TRANK1: variants seen among roughly 807,000 people sequenced by gnomAD.
The protein encoded by TRANK1 is TPR and ankyrin repeat-containing protein 1.
Under a neutral mutation model 266.0 loss-of-function variants are expected in TRANK1, and 198 were observed. The ratio of observed to expected loss-of-function variants is 0.74; its 90% CI spans 0.66 to 0.84. The LOEUF (loss-of-function observed/expected upper bound fraction) is 0.84, where lower values mean the gene tolerates loss of function less well. Among genes scored for constraint, TRANK1 ranks in the 40% least tolerant of loss-of-function variants. The probability of loss-of-function intolerance (pLI) is 0.00; values close to 1 mark genes in which losing one functional copy is unlikely to be tolerated. For synonymous variants in TRANK1, 1,396 were observed against 1,384.1 expected (o/e 1.01, Z -0.19); for missense variants, 3,326 against 3,634.6 (o/e 0.92, Z 2.18).
chr3:36,857,153 T>C lies in TRANK1; in HGVS notation c.2569A>G (p.Lys857Glu), dbSNP rs1360880407. Residue 857 changes from lysine to glutamate, a missense_variant, in exon 13 of 24, where the codon AAG becomes GAG. Transcript: ENST00000645898. This position sits in a 1 kb window ranked among gnomAD's most constrained non-coding sequence, Gnocchi z 4.3. The stretch of plus-strand genomic sequence containing the variant: ...TGCTGAATGGCAAGGATGATTTTCT[T>C]CTTGATGACCTTGGTCATTACCTTA... ...SSKVMTKVIK[K>E]KIILAIQQLG... The C allele has an allele frequency of 6.2e-7, 1 of 1,613,870 alleles. No individual in the cohort carries two copies. Among genetic ancestry groups the C allele is most frequent in the African/African-American group, 1.3e-5 (1 of 74,928 alleles).
At chr3:36,844,538 T>C (rs985190909) in intron 17 of TRANK1, among the ~76,000 whole-genome samples, 1 of 152,098 alleles carries the variant, frequency 6.6e-6, no homozygotes, top group African/African-American at 2.4e-5. Flanking sequence ...TATGATCTCT[T>C]ATAGTGGATG....
intron 18 of TRANK1, among the ~76,000 whole-genome samples, 175 bp from the exon 19 acceptor site, chr3:36,838,891 T>C (rs1375244217): frequency 6.6e-6 from 1 of 152,218 alleles, no homozygotes; most frequent in African/African-American, 2.4e-5. Flanking sequence ...TCTTGGAGGA[T>C]AAAACCCAAC....
At chr3:36,867,193 A>G (rs899608541) in intron 9 of TRANK1, among the ~76,000 whole-genome samples, 10 of 152,014 alleles carry the variant, frequency 6.6e-5, no homozygotes, top group Non-Finnish European at 1.3e-4. Context: ...GAAAACTCAC[A>G]GTACAAAAAA....
intron 20 of TRANK1, among the ~76,000 whole-genome samples, chr3:36,835,203 C>T (rs2078752448): frequency 6.7e-6 from 1 of 149,990 alleles, no homozygotes; most frequent in Non-Finnish European, 1.5e-5. Context: ...CCTGTAGTCC[C>T]AGCTACTTGG....
chr3:36,856,323 C>T lies in TRANK1; in HGVS notation c.3399G>A (p.Glu1133=), dbSNP rs2079053330. The change falls in exon 13 of 24, where the codon GAG becomes GAA. Residue 1133 remains glutamate, a synonymous_variant. Coordinates refer to ENST00000645898, the MANE Select transcript of TRANK1 (RefSeq NM_001329998.2). ...PGKESPGGEE[E]EEEEDEEEED... ...CCTCTTCCTCGTCCTCTTCCTCCTC[C>T]TCTTCCTCCCCACCTGGACTCTCTT... 6.4e-7 allele frequency: 1 copy of T among 1,573,840 alleles called. No homozygotes were observed. The highest frequency in any genetic ancestry group is 8.6e-7 in the Non-Finnish European group (1 of 1,159,734).
intron 16 of TRANK1, 119 bp from the exon 17 acceptor site, chr3:36,846,523 T>C (rs1377830673): frequency 6.0e-6 from 6 of 992,988 alleles, no homozygotes; most frequent in South Asian, 1.8e-5. Context: ...TAGAGAAGCA[T>C]AGCACAGCTG....
At chr3:36,942,329 C>G (rs142390262) in intron 1 of TRANK1, among the ~76,000 whole-genome samples, 1 of 152,098 alleles carries the variant, frequency 6.6e-6, no homozygotes, top group East Asian at 1.9e-4. Flanking sequence ...AAGTGATGGC[C>G]TTTCTGGGCC....
At chr3:36,855,141 C>T in intron 13 of TRANK1, 32 bp downstream of exon 13, 1 of 1,568,026 alleles carries the variant, frequency 6.4e-7, no homozygotes, top group Non-Finnish European at 8.7e-7. Flanking sequence ...GCCTAAGCAC[C>T]CCCAGTAGGC....
intron 1 of TRANK1, among the ~76,000 whole-genome samples, chr3:36,940,948 C>T (rs950979606): frequency 3.3e-5 from 5 of 152,182 alleles, no homozygotes; most frequent in Admixed American, 6.5e-5. Context: ...CCCTAGAAGT[C>T]ATCAGTGATT....
At chr3:36,829,700 C>T (rs1313671605) in intron 22 of TRANK1, 38 bp from the exon 23 acceptor site, 3 of 1,599,848 alleles carry the variant, frequency 1.9e-6, no homozygotes, top group Middle Eastern at 1.6e-4. Context: ...AGTAAAGATG[C>T]CATTGCAGGA....
rs2078695541 is a variant in TRANK1 at position 36,831,622 on chromosome 3, T to C, written c.7961A>G (p.His2654Arg). 4 of 1,613,810 alleles carry C rather than the reference T, an allele frequency of 2.5e-6. No homozygotes were observed. Among genetic ancestry groups the C allele is most frequent in the Non-Finnish European group, 3.4e-6 (4 of 1,179,854 alleles). ...MDCDWRWDPV[H>R]TKGSIVRGLY... Reference sequence around the variant, plus strand: ...GCCACGGACTATGGACCCTTTGGTGTGCACAGGGTCCCACCGCCAGTCACA... The same window carrying C: ...GCCACGGACTATGGACCCTTTGGTGCGCACAGGGTCCCACCGCCAGTCACA... The change falls in exon 22 of 24, where the codon CAC becomes CGC. Residue 2654 changes from histidine (H) to arginine (R), a missense_variant. His to Arg is a conservative substitution (Grantham distance 29). Transcript: ENST00000645898. The surrounding 1 kb of genome is among the most constrained non-coding windows in gnomAD (Gnocchi z 5.0).
intron 1 of TRANK1, among the ~76,000 whole-genome samples, chr3:36,925,188 T>C (rs2080271165): frequency 6.6e-6 from 1 of 152,170 alleles, no homozygotes; most frequent in African/African-American, 2.4e-5. Flanking sequence ...GGGGTCCAGA[T>C]TGAAAAGATG....
At position 36,944,950 on chromosome 3, in the gene TRANK1, G is replaced by T; in HGVS notation, c.-141C>A. The T allele has an allele frequency of 1.1e-6, 1 of 885,926 alleles. No homozygotes were observed. The highest frequency in any genetic ancestry group is 1.6e-6 in the Non-Finnish European group (1 of 645,014). The allele number at this position is 885,926 out of a possible 1,614,324, so 54.9% of individuals were successfully genotyped here. A position where few individuals can be genotyped will look rare whatever the true frequency, so the allele number is the denominator to read the frequency against. On this transcript the variant is annotated 5_prime_UTR_variant, in exon 1 of 24. Coordinates refer to ENST00000645898, the MANE Select transcript of TRANK1 (RefSeq NM_001329998.2). ...GCGGCGCGATGCAGAGGCGGCGTTC[G>T]GGGGCCCCCAGCTGCCTGCGGCTCG...
intron 20 of TRANK1, among the ~76,000 whole-genome samples, chr3:36,836,965 G>T (rs1280013648): frequency 2.6e-5 from 4 of 152,176 alleles, no homozygotes; most frequent in African/African-American, 9.7e-5. Context: ...CATCATGCTT[G>T]AACAAAGCCC....
At position 36,857,058 on chromosome 3, in the gene TRANK1, G is replaced by C. The variant is rs1330757817; in HGVS notation, c.2664C>G (p.Leu888=). 1.9e-6 allele frequency: 3 copies of C among 1,614,066 alleles called. No homozygotes were observed. Among genetic ancestry groups the C allele is most frequent in the Non-Finnish European group, 2.5e-6 (3 of 1,179,904 alleles). Residue 888 remains leucine (L), a synonymous_variant, in exon 13 of 24, where the codon CTC becomes CTG. Transcript: ENST00000645898. This position sits in a 1 kb window ranked among gnomAD's most constrained non-coding sequence, Gnocchi z 4.3. ...RLKHLKGSIQ[L]FEAKLDKGAR... is the part of the protein sequence containing the mutation. ...CTCCTTTGTCCAGCTTAGCTTCGAAGAGCTGGATGCTTCCTTTCAGGTGCT... is the reference window on the plus strand; with the variant it reads ...CTCCTTTGTCCAGCTTAGCTTCGAACAGCTGGATGCTTCCTTTCAGGTGCT...
At position 36,831,129 on chromosome 3, in the gene TRANK1, G is replaced by A. The variant is rs1034918256; in HGVS notation, c.8454C>T (p.Tyr2818=). 26 of 1,613,848 alleles carry A rather than the reference G, an allele frequency of 1.6e-5. No individual in the cohort carries two copies. Among genetic ancestry groups the A allele is most frequent in the East Asian group, 4.5e-5 (2 of 44,884 alleles). The part of the protein sequence containing the change: ...EECQERNSES[Y]EQHIHLEHHQ... ...GGTGTTCTAGATGGATATGCTGCTC[G>A]TAAGACTCGCTGTTCCTCTCCTGAC... The change falls in exon 22 of 24, where the codon TAC becomes TAT. Residue 2818 remains tyrosine (Y), a synonymous_variant. Coordinates refer to ENST00000645898, the MANE Select transcript of TRANK1 (RefSeq NM_001329998.2). This position sits in a 1 kb window ranked among gnomAD's most constrained non-coding sequence, Gnocchi z 5.0.
chr3:36,920,810 T>C (rs2080203407), intron 1 of TRANK1, among the ~76,000 whole-genome samples: 1 of 152,210 alleles, frequency 6.6e-6, no homozygotes, highest in Non-Finnish European at 1.5e-5. Flanking sequence ...GCCCTATCTC[T>C]GGACTTCTAC....
At chr3:36,873,126 C>T (rs888683201) in intron 9 of TRANK1, among the ~76,000 whole-genome samples, 31 of 152,176 alleles carry the variant, frequency 2.0e-4, no homozygotes, top group African/African-American at 6.3e-4. Context: ...AACACATTCC[C>T]ATTTCAAAGA....
intron 20 of TRANK1, 62 bp downstream of exon 20, chr3:36,838,310 C>A: frequency 6.3e-7 from 1 of 1,597,062 alleles, no homozygotes; most frequent in South Asian, 1.1e-5. Context: ...TCGAGCCTAC[C>A]CCTCAATCTG....
Sources: allele counts gnomAD v4.1 joint callset (sites outside exome capture counted in the v4.1 genomes callset), GRCh38; gene constraint gnomAD v4.1.1; non-coding constraint Gnocchi (gnomAD v3.1); transcripts MANE v1.5; gene names NCBI Gene and HGNC (gene_info 2026-07-23, HGNC 2026-07-21).